Variants in SEC24B observed in about 807,000 individuals in gnomAD.
SEC24B encodes the protein SEC24 homolog B, COPII component.
A neutral mutation model predicts 142.8 loss-of-function variants in SEC24B; 45 were observed. That is an observed-to-expected ratio of 0.32 (90% CI 0.25 to 0.40). SEC24B has a LOEUF of 0.40. SEC24B is among the 10% of genes least tolerant of loss of function. SEC24B has a pLI of 1.00. For synonymous variants in SEC24B, 574 were observed against 568.2 expected (o/e 1.01, Z -0.15); for missense variants, 1,409 against 1,526.8 (o/e 0.92, Z 1.29).
chr4:109,532,290 G>A (rs1001211113), intron 20 of SEC24B, among the ~76,000 whole-genome samples: 26 of 151,652 alleles, frequency 1.7e-4, no homozygotes, highest in African/African-American at 6.1e-4. Flanking sequence ...GTATTCTTTG[G>A]AATTAGTATT....
At chr4:109,460,454 A>T (rs556900108) in intron 1 of SEC24B, among the ~76,000 whole-genome samples, 9 of 152,238 alleles carry the variant, frequency 5.9e-5, no homozygotes, top group Admixed American at 2.6e-4. Flanking sequence ...TTAGATTCCA[A>T]GATAATTAAG....
At position 109,456,334 on chromosome 4, in the gene SEC24B, G is replaced by GTTTTTTTTTTTT. The variant is rs70949081; in HGVS notation, c.134-6559_134-6548dup. 3.5e-4 allele frequency among the ~76,000 whole-genome samples: 33 copies of GTTTTTTTTTTTT among 94,120 alleles called. 1 individual carries two copies. Among genetic ancestry groups the GTTTTTTTTTTTT allele is most frequent in the African/African-American group, 9.5e-4 (23 of 24,162 alleles). 61.7% of individuals were successfully genotyped at this position (94,120 alleles called of 152,430 possible). On this transcript the variant is annotated intron_variant, in intron 1 of 23. Transcript: ENST00000265175. ...CTGCAAATAAAGACAGGTTTTTTTTGTTTTTTTTTTTTTTTTTTTACTCCT... is the reference window on the plus strand; with the variant it reads ...CTGCAAATAAAGACAGGTTTTTTTTGTTTTTTTTTTTTTTTTTTTTTTTTTTTTTTTACTCCT...
At chr4:109,483,003 C>CACACACACACACACACAT (rs1408633373) in intron 4 of SEC24B, among the ~76,000 whole-genome samples, 19 of 84,078 alleles carry the variant, frequency 2.3e-4, no homozygotes, top group African/African-American at 1.4e-3. Context: ...CACACACACA[C>CACACACACACACACACAT]ATATTATACA....
At chr4:109,439,061 A>G (rs923226859) in intron 1 of SEC24B, among the ~76,000 whole-genome samples, 1 of 152,200 alleles carries the variant, frequency 6.6e-6, no homozygotes, top group Non-Finnish European at 1.5e-5. Context: ...TACTTTTAGG[A>G]AGCAAATGGT....
Position 109,512,055 on chromosome 4 carries a change from A to G in SEC24B, c.1875A>G (p.Lys625=). The G allele has an allele frequency of 6.2e-7, 1 of 1,613,506 alleles. No homozygotes were observed. Among genetic ancestry groups the G allele is most frequent in the African/African-American group, 1.3e-5 (1 of 75,010 alleles). The part of the protein sequence containing the change: ...FVSFIDQRRW[K]CNLCYRVNDV... ...CCTTCATTGATCAACGTAGATGGAA[A>G]TGCAATTTGTGCTATAGAGTAAACG... The change falls in exon 9 of 24, where the codon AAA becomes AAG. Residue 625 remains lysine (K), a synonymous_variant. Transcript: ENST00000265175.
At position 109,539,617 on chromosome 4, in the gene SEC24B, A is replaced by G. The variant is rs1434045038; in HGVS notation, c.3749A>G (p.Glu1250Gly). 6.2e-7 allele frequency: 1 copy of G among 1,614,036 alleles called. No individual in the cohort carries two copies. The highest frequency in any genetic ancestry group is 1.3e-5 in the African/African-American group (1 of 75,036). ...FFQHLIEDRT[E>G]AAFSYYEFLL... ...CAGCATTTGATTGAAGACCGGACAG[A>G]GGCTGCATTTTCTTACTATGAATTT... The change falls in exon 24 of 24, where the codon GAG (glutamate) becomes GGG (glycine). Residue 1250 changes from glutamate (E) to glycine (G), a missense_variant. This residue lies in a region of SEC24B where 700 missense variants were observed against 853.3 expected (regional missense o/e 0.82). Coordinates refer to ENST00000265175, the MANE Select transcript of SEC24B (RefSeq NM_006323.5).
At position 109,475,478 on chromosome 4, in the gene SEC24B, A is replaced by G. The variant is rs118120581; in HGVS notation, c.1060+2292A>G. Among the ~76,000 whole-genome samples the G allele has an allele frequency of 5.3e-3, 806 of 152,316 alleles. 35 individuals are homozygous for G. In the South Asian group the frequency reaches 0.079, roughly 15 times the overall value. On this transcript the variant is annotated intron_variant, in intron 3 of 23. Transcript: ENST00000265175. ...ACACCGTTGCTTAGTTGTTCTCCCAAGACTAAGCATTTTTTTTCTGTTTTT... is the reference window on the plus strand; with the variant it reads ...ACACCGTTGCTTAGTTGTTCTCCCAGGACTAAGCATTTTTTTTCTGTTTTT...
chr4:109,497,671 T>C (rs1735671967), intron 6 of SEC24B, among the ~76,000 whole-genome samples: 1 of 152,176 alleles, frequency 6.6e-6, no homozygotes, highest in Non-Finnish European at 1.5e-5. Flanking sequence ...TGTTATGTGG[T>C]ACTCAATCAT....
At chr4:109,532,222 C>T (rs1725007168) in intron 20 of SEC24B, among the ~76,000 whole-genome samples, 1 of 151,918 alleles carries the variant, frequency 6.6e-6, no homozygotes, top group Non-Finnish European at 1.5e-5. Context: ...ATCTGGTATC[C>T]AATAATAATT....
In SEC24B at chr4:109,518,724, T is replaced by C. The variant is rs138718799; in HGVS notation, c.2127-1642T>C. On this transcript the variant is annotated intron_variant, in intron 11 of 23. Coordinates refer to ENST00000265175, the MANE Select transcript of SEC24B (RefSeq NM_006323.5). ...CAAGTGCTTACTTCAAAAATAGCTT[T>C]AACAGTGAGTGGCAACGGAAGACTG... Among the ~76,000 whole-genome samples, 640 of 152,264 alleles carry C rather than the reference T, an allele frequency of 4.2e-3. 3 individuals are homozygous for C. The highest frequency in any genetic ancestry group is 0.014 in the African/African-American group (595 of 41,554).
intron 4 of SEC24B, among the ~76,000 whole-genome samples, chr4:109,483,048 T>TTATATATATATA (rs1314543828): frequency 8.4e-6 from 1 of 119,056 alleles, no homozygotes; most frequent in East Asian, 2.2e-4. Flanking sequence ...ATATATGTAT[T>TTATATATATATA]TATGTATTTA....
intron 3 of SEC24B, among the ~76,000 whole-genome samples, chr4:109,478,837 AAG>A (rs1446419898): frequency 6.6e-6 from 1 of 152,236 alleles, no homozygotes; most frequent in Non-Finnish European, 1.5e-5. Flanking sequence ...AGTTTGAGGA[AAG>A]AGTACTTACA....
At position 109,441,067 on chromosome 4, in the gene SEC24B, T is replaced by TTG. The variant is rs200364275; in HGVS notation, c.133+7070_133+7071dup. 8.7e-3 allele frequency among the ~76,000 whole-genome samples: 1,323 copies of TTG among 152,280 alleles called. 24 individuals are homozygous for TTG. The highest frequency in any genetic ancestry group is 0.03 in the African/African-American group (1,263 of 41,532). On this transcript the variant is annotated intron_variant, in intron 1 of 23. Transcript: ENST00000265175. ...TTAATGGGTTTTAAGTTTTCTAAAA[T>TTG]TGTGTGCCAGAAGTCATTTGTAACA... is the stretch of plus-strand genomic sequence containing the variant.
chr4:109,458,735 A>G (rs757374285), intron 1 of SEC24B, among the ~76,000 whole-genome samples: 7 of 152,160 alleles, frequency 4.6e-5, no homozygotes, highest in Non-Finnish European at 1.0e-4. Flanking sequence ...TAAATTATAC[A>G]TATATATGCA....
Position 109,526,344 on chromosome 4 carries a change from A to G in SEC24B, c.2910A>G (p.Leu970=), listed in dbSNP as rs1249259177. ...TGCAGTTGTCAATTGAAGAAAGTTT[A>G]ACAGATACTTCCTTAGTATGTTTTC... ...FAVQLSIEES[L]TDTSLVCFQT... The change falls in exon 17 of 24, where the codon TTA becomes TTG. Residue 970 remains leucine, a synonymous_variant. Coordinates refer to ENST00000265175, the MANE Select transcript of SEC24B (RefSeq NM_006323.5). The G allele has an allele frequency of 6.2e-7, 1 of 1,613,860 alleles. No individual in the cohort carries two copies. Among genetic ancestry groups the G allele is most frequent in the Non-Finnish European group, 8.5e-7 (1 of 1,179,814 alleles).
chr4:109,531,566 TTGAG>T, intron 20 of SEC24B, 44 bp downstream of exon 20: 1 of 1,434,094 alleles, frequency 7.0e-7, no homozygotes, highest in Non-Finnish European at 9.8e-7. Flanking sequence ...TTGAATATAT[TTGAG>T]TGTCTTGTTC....
At chr4:109,507,013 A>G (rs1372970425) in intron 7 of SEC24B, among the ~76,000 whole-genome samples, 2 of 152,068 alleles carry the variant, frequency 1.3e-5, no homozygotes, top group African/African-American at 2.4e-5. Flanking sequence ...GTCTGAATCT[A>G]GACTGGATTT....
intron 1 of SEC24B, among the ~76,000 whole-genome samples, chr4:109,442,271 C>G (rs1408679311): frequency 2.0e-5 from 3 of 152,148 alleles, no homozygotes; most frequent in Non-Finnish European, 2.9e-5. Context: ...CCAGGCATTA[C>G]TCCTTCAGCT....
At chr4:109,536,345 A>G (rs1278988399) in intron 22 of SEC24B, among the ~76,000 whole-genome samples, 2 of 152,216 alleles carry the variant, frequency 1.3e-5, no homozygotes, top group African/African-American at 4.8e-5. Flanking sequence ...TGCATTTCAA[A>G]TTACTGTGGG....
Sources: allele counts gnomAD v4.1 joint callset (sites outside exome capture counted in the v4.1 genomes callset), GRCh38; gene constraint gnomAD v4.1.1; regional missense constraint gnomAD v4.1.1; transcripts MANE v1.5; gene names NCBI Gene and HGNC (gene_info 2026-07-23, HGNC 2026-07-21).